Variants in DPF3 observed in about 807,000 individuals in gnomAD.
The protein encoded by DPF3 is double PHD fingers 3, also known as zinc finger protein DPF3.
Under a neutral mutation model 56.8 loss-of-function variants are expected in DPF3, and 18 were observed. The observed-to-expected ratio is 0.32, with a 90% CI of 0.22 to 0.47. DPF3 has a LOEUF of 0.47. Among genes scored for constraint, DPF3 ranks in the 20% least tolerant of loss-of-function variants. The pLI is 1.00. For synonymous variants in DPF3, 188 were observed against 180.2 expected (o/e 1.04, Z -0.35); for missense variants, 403 against 488.8 (o/e 0.82, Z 1.65).
chr14:72,655,487 T>C (rs558233905), intron 8 of DPF3, among the ~76,000 whole-genome samples: 1 of 152,294 alleles, frequency 6.6e-6, no homozygotes, highest in African/African-American at 2.4e-5. Flanking sequence ...TGGTGTCCAG[T>C]GAGATGAAAA....
At chr14:72,816,487 AC>A (rs1168176196) in intron 1 of DPF3, among the ~76,000 whole-genome samples, 3 of 152,098 alleles carry the variant, frequency 2.0e-5, no homozygotes, top group South Asian at 4.2e-4. Context: ...TCAGAACCTT[AC>A]CCCCAACCCA....
At chr14:72,689,559 C>T (rs949462789) in intron 7 of DPF3, among the ~76,000 whole-genome samples, 2 of 152,192 alleles carry the variant, frequency 1.3e-5, no homozygotes, top group African/African-American at 4.8e-5. Context: ...CAGCACACAG[C>T]CCCAGTAGCA....
At chr14:72,689,433 C>T (rs987809237) in intron 7 of DPF3, among the ~76,000 whole-genome samples, 4 of 152,118 alleles carry the variant, frequency 2.6e-5, no homozygotes, top group African/African-American at 4.8e-5. Context: ...CTGGGGGAGC[C>T]GCAGATTAGC....
intron 1 of DPF3, among the ~76,000 whole-genome samples, chr14:72,804,697 G>GGC (rs1893021039): frequency 6.6e-6 from 1 of 152,148 alleles, no homozygotes; most frequent in Non-Finnish European, 1.5e-5. Flanking sequence ...GCTAGGGTAT[G>GGC]ACACATAGAG....
At chr14:72,792,313 GCTTCCCTAAGTC>G (rs1892471573) in intron 1 of DPF3, among the ~76,000 whole-genome samples, 1 of 152,322 alleles carries the variant, frequency 6.6e-6, no homozygotes, top group African/African-American at 2.4e-5. Flanking sequence ...AGCCGACTGT[GCTTCCCTAAGTC>G]CTTTCTGCAG....
intron 1 of DPF3, among the ~76,000 whole-genome samples, chr14:72,805,328 G>A (rs1201779074): frequency 2.0e-5 from 3 of 151,688 alleles, no homozygotes; most frequent in Admixed American, 6.6e-5. Flanking sequence ...AAATTAGCCG[G>A]GCATGGTGGC....
chr14:72,711,244 T>C (rs1289845385), intron 6 of DPF3, among the ~76,000 whole-genome samples: 5 of 152,164 alleles, frequency 3.3e-5, no homozygotes, highest in African/African-American at 1.2e-4. Flanking sequence ...GATACAAAAA[T>C]GGCAGGGACG....
At chr14:72,654,187 C>G (rs961930447) in intron 8 of DPF3, among the ~76,000 whole-genome samples, 1 of 152,080 alleles carries the variant, frequency 6.6e-6, no homozygotes, top group Admixed American at 6.6e-5. Flanking sequence ...ACCTGTGACT[C>G]CCCCCAGCAG....
chr14:72,821,306 G>T (rs1374596958), intron 1 of DPF3, among the ~76,000 whole-genome samples: 3 of 151,960 alleles, frequency 2.0e-5, no homozygotes, highest in Admixed American at 1.3e-4. Flanking sequence ...AACAAGTCTG[G>T]CCATGGCGGC....
At chr14:72,704,579 G>A (rs1458881736) in intron 6 of DPF3, among the ~76,000 whole-genome samples, 1 of 152,168 alleles carries the variant, frequency 6.6e-6, no homozygotes, top group Admixed American at 6.5e-5. Context: ...AAGCTCCTCA[G>A]TGCCTTAGAG....
chr14:72,648,569 G>GAAAAAAA (rs11348282), intron 8 of DPF3, among the ~76,000 whole-genome samples: 43 of 92,852 alleles, frequency 4.6e-4, no homozygotes, highest in South Asian at 8.0e-4. Flanking sequence ...TCTCAAAAAA[G>GAAAAAAA]AAAAAAAAAA....
intron 3 of DPF3, among the ~76,000 whole-genome samples, chr14:72,752,894 C>T (rs1890637352): frequency 6.6e-6 from 1 of 152,128 alleles, no homozygotes; most frequent in South Asian, 2.1e-4. Context: ...TAGAAACATA[C>T]AAACTGGGCC....
intron 2 of DPF3, among the ~76,000 whole-genome samples, chr14:72,770,062 C>T (rs1184375154): frequency 6.6e-6 from 1 of 151,988 alleles, no homozygotes; most frequent in Admixed American, 6.6e-5. Context: ...TTTTGCAACC[C>T]TTAATGGGAT....
chr14:72,670,533 C>A, intron 8 of DPF3: 1 of 950,898 alleles, frequency 1.1e-6, no homozygotes, highest in Non-Finnish European at 1.2e-6. Context: ...GCCGCAAACT[C>A]CGTGGGGCAC....
At chr14:72,788,417 AGAGGAG>A (rs757506580) in intron 1 of DPF3, among the ~76,000 whole-genome samples, 1 of 151,910 alleles carries the variant, frequency 6.6e-6, no homozygotes, top group Non-Finnish European at 1.5e-5. Context: ...AGGAAGGGGA[AGAGGAG>A]GAGGAGGAGG....
At chr14:72,870,497 T>TCAG (rs1411847332) in intron 1 of DPF3, among the ~76,000 whole-genome samples, 1 of 152,238 alleles carries the variant, frequency 6.6e-6, no homozygotes, top group Non-Finnish European at 1.5e-5. Flanking sequence ...GGACCCAATA[T>TCAG]CAGCACCAAT....
At chr14:72,736,453 T>C (rs1223113372) in intron 3 of DPF3, among the ~76,000 whole-genome samples, 2 of 152,220 alleles carry the variant, frequency 1.3e-5, no homozygotes, top group Non-Finnish European at 2.9e-5. Context: ...TGGTTCTTAA[T>C]GTTGTCCACG....
intron 8 of DPF3, chr14:72,671,091 G>A: frequency 6.2e-7 from 1 of 1,606,208 alleles, no homozygotes; most frequent in South Asian, 1.1e-5. Flanking sequence ...AATGACCAAA[G>A]TCAGAGGGGG....
intron 8 of DPF3, among the ~76,000 whole-genome samples, chr14:72,668,851 C>G (rs973330330): frequency 2.8e-4 from 42 of 152,160 alleles, no homozygotes; most frequent in African/African-American, 8.5e-4. Context: ...AATCCAATAT[C>G]TGAGTCAAAG....
Sources: allele counts gnomAD v4.1 joint callset (sites outside exome capture counted in the v4.1 genomes callset), GRCh38; gene constraint gnomAD v4.1.1; transcripts MANE v1.5; gene names NCBI Gene and HGNC (gene_info 2026-07-23, HGNC 2026-07-21).